ZNF407: variants seen among roughly 807,000 people sequenced by gnomAD.
ZNF407 encodes zinc finger protein 407.
In ZNF407, 17 loss-of-function variants were observed where a neutral mutation model predicts 131.2. That is an observed-to-expected ratio of 0.13 (90% CI 0.09 to 0.19). The LOEUF (loss-of-function observed/expected upper bound fraction) is 0.19. ZNF407 is among the 10% of genes least tolerant of loss of function. ZNF407 has a pLI of 1.00. For missense variants in ZNF407, 2,681 were observed against 2,830.6 expected (o/e 0.95, Z 1.20); for synonymous variants, 1,156 against 1,062.0 (o/e 1.09, Z -1.72).
intron 8 of ZNF407, among the ~76,000 whole-genome samples, chr18:75,046,870 C>T (rs1973441785): frequency 6.6e-6 from 1 of 152,126 alleles, no homozygotes; most frequent in African/African-American, 2.4e-5. Flanking sequence ...CCGGATGTCC[C>T]TTGACCTCTG....
At chr18:74,717,894 G>A (rs544719229) in intron 3 of ZNF407, among the ~76,000 whole-genome samples, 3 of 152,304 alleles carry the variant, frequency 2.0e-5, no homozygotes, top group East Asian at 3.9e-4. Flanking sequence ...TCAGATTTTA[G>A]AGTGGTTTGG....
At chr18:74,953,604 C>T (rs542350316) in intron 8 of ZNF407, among the ~76,000 whole-genome samples, 1 of 152,280 alleles carries the variant, frequency 6.6e-6, no homozygotes, top group East Asian at 1.9e-4. Context: ...CCCCACACTC[C>T]GTAACGCTAG....
intron 1 of ZNF407, among the ~76,000 whole-genome samples, chr18:74,621,338 C>T (rs1360231739): frequency 1.3e-5 from 2 of 152,152 alleles, no homozygotes; most frequent in East Asian, 1.9e-4. Context: ...TATCATCTCT[C>T]AGTGTCTGTG....
chr18:74,768,286 G>A (rs897645174), intron 3 of ZNF407, among the ~76,000 whole-genome samples: 2 of 152,138 alleles, frequency 1.3e-5, no homozygotes, highest in Non-Finnish European at 2.9e-5. Flanking sequence ...TTTAGGCTCA[G>A]CTATTCCTAG....
chr18:74,972,301 C>G (rs185621845), intron 8 of ZNF407, among the ~76,000 whole-genome samples: 4 of 152,338 alleles, frequency 2.6e-5, no homozygotes, highest in African/African-American at 9.6e-5. Context: ...TCTACAACCG[C>G]CCTTCCCAGC....
intron 4 of ZNF407, among the ~76,000 whole-genome samples, chr18:74,836,386 C>T (rs139572154): frequency 1.6e-3 from 246 of 152,312 alleles, no homozygotes; most frequent in Middle Eastern, 0.014. Flanking sequence ...CACTGTTTGC[C>T]CAAGCCTTGC....
At chr18:74,700,487 T>G (rs9957316) in intron 3 of ZNF407, among the ~76,000 whole-genome samples, 12,814 of 152,234 alleles carry the variant, frequency 0.084, 728 homozygotes, top group African/African-American at 0.16. Flanking sequence ...CTTTCCTCCA[T>G]CAAGGGCAGG....
intron 4 of ZNF407, among the ~76,000 whole-genome samples, chr18:74,817,204 T>C (rs1568228545): frequency 6.6e-6 from 1 of 152,222 alleles, no homozygotes; most frequent in Non-Finnish European, 1.5e-5. Context: ...ATCTCATTGG[T>C]CATTTACTCT....
intron 7 of ZNF407, among the ~76,000 whole-genome samples, chr18:74,913,571 A>T (rs1971704282): frequency 6.6e-6 from 1 of 152,194 alleles, no homozygotes; most frequent in African/African-American, 2.4e-5. Context: ...TTGAAAAAGT[A>T]GTGTTTACTT....
rs368152659 is a variant in ZNF407 at position 75,064,082 on chromosome 18, G to A, written c.6361G>A (p.Ala2121Thr). ...CGTCCACATGGTCGCCGGGGAGGGT[G>A]CCCAGATCATCATGCAGGAGGCGCA... is the stretch of plus-strand genomic sequence containing the variant. ...GAVHMVAGEGAQIIMQEAQGE... is the reference protein window; with the variant it reads ...GAVHMVAGEGTQIIMQEAQGE... Residue 2121 changes from alanine to threonine, a missense_variant, in exon 9 of 9, where the codon GCC (alanine) becomes ACC (threonine). Coordinates refer to ENST00000299687, the MANE Select transcript of ZNF407 (RefSeq NM_017757.3). The A allele has an allele frequency of 1.3e-5, 20 of 1,589,290 alleles. No individual in the cohort carries two copies. Among genetic ancestry groups the A allele is most frequent in the Non-Finnish European group, 1.5e-5 (18 of 1,168,808 alleles).
At chr18:75,037,673 G>A (rs1419586857) in intron 8 of ZNF407, among the ~76,000 whole-genome samples, 5 of 152,128 alleles carry the variant, frequency 3.3e-5, no homozygotes, top group South Asian at 2.1e-4. Flanking sequence ...TAATGCTCGC[G>A]CTGGAATTTC....
At chr18:74,606,882 C>G (rs1217920591) in intron 1 of ZNF407, among the ~76,000 whole-genome samples, 1 of 152,156 alleles carries the variant, frequency 6.6e-6, no homozygotes, top group Non-Finnish European at 1.5e-5. Context: ...GGAAATTTTA[C>G]TTATTTCACT....
chr18:74,987,813 A>G (rs1448794384), intron 8 of ZNF407, among the ~76,000 whole-genome samples: 1 of 152,194 alleles, frequency 6.6e-6, no homozygotes, highest in African/African-American at 2.4e-5. Context: ...AAAGAAGACC[A>G]AGATAGTAGA....
At chr18:74,655,846 C>T (rs60333707) in intron 3 of ZNF407, among the ~76,000 whole-genome samples, 2,443 of 152,030 alleles carry the variant, frequency 0.016, 70 homozygotes, top group African/African-American at 0.056. Flanking sequence ...CAAATGAAAA[C>T]GTCGGTTTTG....
intron 4 of ZNF407, among the ~76,000 whole-genome samples, chr18:74,870,827 A>G (rs1356524283): frequency 1.3e-5 from 2 of 152,156 alleles, no homozygotes; most frequent in Non-Finnish European, 2.9e-5. Flanking sequence ...CTAACGTTGC[A>G]TGTTGAATTT....
At chr18:74,936,336 A>G (rs1972039461) in intron 8 of ZNF407, among the ~76,000 whole-genome samples, 1 of 152,216 alleles carries the variant, frequency 6.6e-6, no homozygotes, top group South Asian at 2.1e-4. Context: ...TGTAGGATAC[A>G]GTATTTTATC....
At chr18:74,953,971 A>G (rs1474106403) in intron 8 of ZNF407, among the ~76,000 whole-genome samples, 6 of 152,216 alleles carry the variant, frequency 3.9e-5, no homozygotes, top group African/African-American at 1.4e-4. Context: ...GGGATAGTGT[A>G]TGTTTTGTGT....
intron 8 of ZNF407, among the ~76,000 whole-genome samples, chr18:74,992,635 G>A (rs1972732142): frequency 6.6e-6 from 1 of 152,180 alleles, no homozygotes; most frequent in Non-Finnish European, 1.5e-5. Context: ...GACTTCTGTC[G>A]AAGAGAAAAC....
chr18:74,999,694 G>A (rs1972823074), intron 8 of ZNF407, among the ~76,000 whole-genome samples: 1 of 152,170 alleles, frequency 6.6e-6, no homozygotes, highest in Non-Finnish European at 1.5e-5. Flanking sequence ...CCCACAAAAA[G>A]AATAAATTTA....
Sources: gnomAD v4.1 joint callset for allele counts (sites outside exome capture counted in the v4.1 genomes callset) on GRCh38, gnomAD v4.1.1 for gene constraint, MANE v1.5 for transcripts, NCBI Gene and HGNC (gene_info 2026-07-23, HGNC 2026-07-21) for gene names.